The following PABPC4L variants were observed in gnomAD, a reference collection of about 807,000 sequenced individuals.
The protein encoded by PABPC4L is polyadenylate-binding protein 4-like.
For synonymous variants in PABPC4L, 169 were observed against 164.1 expected (o/e 1.03, Z -0.23); for missense variants, 452 against 451.4 (o/e 1.00, Z -0.01).
chr4:134,045,747 T>C, the PABPC4L span, among the ~76,000 whole-genome samples: 3 of 152,268 alleles, frequency 2.0e-5, no homozygotes, highest in East Asian at 5.8e-4. Flanking sequence ...AACCACTCCC[T>C]TCACCAATAA....
At chr4:134,193,259 A>G (rs1489720611), downstream of PABPC4L, among the ~76,000 whole-genome samples, 2 of 151,582 alleles carry the variant, frequency 1.3e-5, no homozygotes, top group Non-Finnish European at 1.5e-5. Flanking sequence ...TTTTTTTATT[A>G]TGCAACAGAG....
At chr4:133,987,943 G>C in the PABPC4L span, among the ~76,000 whole-genome samples, 1 of 152,064 alleles carries the variant, frequency 6.6e-6, no homozygotes, top group Non-Finnish European at 1.5e-5. Flanking sequence ...TGGAGGAAGG[G>C]GAAGCAAACA....
chr4:133,954,300 C>T, the PABPC4L span, among the ~76,000 whole-genome samples: 2 of 152,130 alleles, frequency 1.3e-5, no homozygotes, highest in East Asian at 1.9e-4. Flanking sequence ...CTCTTTTTCT[C>T]CTTCTTTAAG....
chr4:134,131,009 T>G, the PABPC4L span, among the ~76,000 whole-genome samples: 1 of 151,968 alleles, frequency 6.6e-6, no homozygotes, highest in Non-Finnish European at 1.5e-5. Context: ...TGATTAAAAC[T>G]CACAGCAAAA....
At chr4:134,082,820 C>T in the PABPC4L span, among the ~76,000 whole-genome samples, 3 of 152,042 alleles carry the variant, frequency 2.0e-5, no homozygotes, top group East Asian at 3.9e-4. Flanking sequence ...AAAAAATTAT[C>T]CCTCAAAGTG....
chr4:134,166,200 C>T, the PABPC4L span, among the ~76,000 whole-genome samples: 1 of 152,036 alleles, frequency 6.6e-6, no homozygotes, highest in African/African-American at 2.4e-5. Flanking sequence ...CAGGTGATGG[C>T]TGCACTAAAA....
the PABPC4L span, among the ~76,000 whole-genome samples, chr4:134,139,005 C>T: frequency 2.0e-5 from 3 of 151,758 alleles, no homozygotes; most frequent in South Asian, 6.2e-4. Context: ...TATGTCAAGC[C>T]TATTTCATTT....
the PABPC4L span, among the ~76,000 whole-genome samples, chr4:134,134,611 A>G: frequency 1.3e-5 from 2 of 151,268 alleles, no homozygotes; most frequent in African/African-American, 4.8e-5. Flanking sequence ...AATTTATACA[A>G]TACAATCTAT....
chr4:134,146,364 T>C, the PABPC4L span, among the ~76,000 whole-genome samples: 4 of 151,926 alleles, frequency 2.6e-5, no homozygotes, highest in Admixed American at 2.6e-4. Context: ...TTTTTCTATA[T>C]AAGAAATTAT....
chr4:133,978,593 A>G, the PABPC4L span, among the ~76,000 whole-genome samples: 1 of 151,952 alleles, frequency 6.6e-6, no homozygotes, highest in South Asian at 2.1e-4. Flanking sequence ...TATCTCCAAT[A>G]TAAAATATTC....
chr4:134,082,116 A>AAGACTTTCTGACATGATT, the PABPC4L span, among the ~76,000 whole-genome samples: 1 of 152,116 alleles, frequency 6.6e-6, no homozygotes, highest in Non-Finnish European at 1.5e-5. Flanking sequence ...GCATAAGACA[A>AAGACTTTCTGACATGATT]AGACTTTCTG....
At chr4:134,015,641 G>A in the PABPC4L span, among the ~76,000 whole-genome samples, 11 of 152,194 alleles carry the variant, frequency 7.2e-5, no homozygotes, top group South Asian at 4.1e-4. Flanking sequence ...CCTGCTGAGC[G>A]TGTCTGACTA....
chr4:134,012,452 C>A, the PABPC4L span, among the ~76,000 whole-genome samples: 1 of 152,298 alleles, frequency 6.6e-6, no homozygotes, highest in South Asian at 2.1e-4. Context: ...GAACAGCCCC[C>A]CTTTGACTGT....
chr4:134,123,922 T>C, the PABPC4L span, among the ~76,000 whole-genome samples: 1 of 151,898 alleles, frequency 6.6e-6, no homozygotes, highest in Non-Finnish European at 1.5e-5. Flanking sequence ...GGTTATTGCA[T>C]TGAGGGAGAA....
chr4:134,178,402 G>C, the PABPC4L span, among the ~76,000 whole-genome samples: 2 of 141,058 alleles, frequency 1.4e-5, no homozygotes, highest in African/African-American at 2.6e-5. Flanking sequence ...CACAAGGACA[G>C]TAACTTCAAG....
the PABPC4L span, among the ~76,000 whole-genome samples, chr4:134,063,970 T>G: frequency 0.01 from 1,527 of 152,136 alleles, 26 homozygotes; most frequent in African/African-American, 0.034. Context: ...CCAAGGACAC[T>G]CCTGAAAATT....
chr4:134,001,066 G>A, the PABPC4L span, among the ~76,000 whole-genome samples: 2 of 151,994 alleles, frequency 1.3e-5, no homozygotes, highest in African/African-American at 4.8e-5. Context: ...CTAAGCCATA[G>A]AGAGGTTACG....
chr4:134,074,792 G>A, the PABPC4L span, among the ~76,000 whole-genome samples: 4 of 152,120 alleles, frequency 2.6e-5, no homozygotes, highest in Non-Finnish European at 5.9e-5. Flanking sequence ...AAGTGGAAAA[G>A]TCCCTCATAA....
the PABPC4L span, among the ~76,000 whole-genome samples, chr4:134,115,118 T>C: frequency 1.3e-5 from 2 of 151,916 alleles, no homozygotes; most frequent in African/African-American, 4.8e-5. Flanking sequence ...TCCTCTTTCC[T>C]TTCTTTCCCA....
Sources: allele counts gnomAD v4.1 joint callset (sites outside exome capture counted in the v4.1 genomes callset), GRCh38; gene constraint gnomAD v4.1.1; transcripts MANE v1.5; gene names NCBI Gene and HGNC (gene_info 2026-07-23, HGNC 2026-07-21).